The following PLCZ1 variants were observed in gnomAD, a reference collection of about 807,000 sequenced individuals.
PLCZ1 encodes the protein phospholipase C zeta 1, also known as 1-phosphatidylinositol 4,5-bisphosphate phosphodiesterase zeta-1.
A neutral mutation model predicts 76.8 loss-of-function variants in PLCZ1; 64 were observed. The observed-to-expected ratio is 0.83, with a 90% CI of 0.68 to 1.03. The LOEUF is 1.03. PLCZ1 is among the 50% of genes least tolerant of loss of function. PLCZ1 has a pLI of 0.00. For missense variants in PLCZ1, 751 were observed against 713.7 expected (o/e 1.05, Z -0.60); for synonymous variants, 248 against 230.8 (o/e 1.07, Z -0.68).
intron 3 of PLCZ1, among the ~76,000 whole-genome samples, chr12:18,726,582 T>A (rs768483282): frequency 2.2e-4 from 33 of 152,164 alleles, no homozygotes; most frequent in Non-Finnish European, 2.5e-4. Context: ...AATAATTCTA[T>A]TGATTGTCAT....
In PLCZ1 at chr12:18,688,152, T is replaced by A; in HGVS notation, c.1528A>T (p.Ile510Leu). 6.2e-7 allele frequency: 1 copy of A among 1,611,698 alleles called. No homozygotes were observed. The highest frequency in any genetic ancestry group is 1.7e-5 in the Admixed American group (1 of 59,930). The change falls in exon 13 of 15, where the codon ATA becomes TTA. Residue 510 changes from isoleucine to leucine, a missense_variant. Coordinates refer to ENST00000266505, the MANE Select transcript of PLCZ1 (RefSeq NM_033123.4). ...TCATTTGGAACACCAAAAACTTCTA[T>A]AATTACTAATGAATCACCTTTGTTA... ...SSNKGDSLVI[I>L]EVFGVPNDQM...
chr12:18,713,085 A>G lies in PLCZ1; in HGVS notation c.570-99T>C, dbSNP rs967503996. 2.1e-6 allele frequency: 3 copies of G among 1,442,958 alleles called. No homozygotes were observed. The African/African-American group carries it at 4.3e-5, about 21-fold the overall frequency. The allele number at this position is 1,442,958 out of a possible 1,614,324, so 89.4% of individuals were successfully genotyped here. ...CAAAGACCATTTGATTTTATAATAAATGCATAAATGAGTCCATAAAACTCT... is the reference window on the plus strand; with the variant it reads ...CAAAGACCATTTGATTTTATAATAAGTGCATAAATGAGTCCATAAAACTCT... On this transcript the variant is annotated intron_variant, in intron 5 of 14. Coordinates refer to ENST00000266505, the MANE Select transcript of PLCZ1 (RefSeq NM_033123.4).
rs1238154205 is a variant in PLCZ1, at chr12:18,737,409, A to T, written c.-38T>A. The T allele has an allele frequency of 2.5e-6, 4 of 1,613,464 alleles. No individual in the cohort carries two copies. Among genetic ancestry groups the T allele is most frequent in the Non-Finnish European group, 3.4e-6 (4 of 1,179,534 alleles). On this transcript the variant is annotated 5_prime_UTR_variant, in exon 2 of 15. Coordinates refer to ENST00000266505, the MANE Select transcript of PLCZ1 (RefSeq NM_033123.4). The stretch of plus-strand genomic sequence containing the variant: ...TGTAGAGCCGTTTCTCCTCACTTAG[A>T]AGTCTTTCCCCAGTAGGTGCTGTCA...
chr12:18,681,696 C>T (rs1476108414), downstream of PLCZ1, among the ~76,000 whole-genome samples: 1 of 151,950 alleles, frequency 6.6e-6, no homozygotes, highest in Non-Finnish European at 1.5e-5. Context: ...AGTCCGTATT[C>T]CTAATATAGA....
At chr12:18,676,009 T>TA in the PLCZ1 span, among the ~76,000 whole-genome samples, 4 of 122,430 alleles carry the variant, frequency 3.3e-5, no homozygotes, top group East Asian at 5.0e-4. Flanking sequence ...CTGAATCTAT[T>TA]TAAAAAAAAA....
intron 12 of PLCZ1, 60 bp from the exon 13 acceptor site, chr12:18,688,278 T>C: frequency 1.3e-6 from 2 of 1,525,994 alleles, no homozygotes; most frequent in African/African-American, 2.8e-5. Flanking sequence ...TCACCATTTA[T>C]TTCAAAATTA....
intron 5 of PLCZ1, chr12:18,715,651 G>C (rs536006169): frequency 2.0e-5 from 3 of 151,944 alleles, no homozygotes; most frequent in Non-Finnish European, 4.4e-5. Context: ...TTTTGTGTCT[G>C]TTTTTGTTTT....
At chr12:18,650,698 GTGTGTGTATATATCTATATATATATATA>G in the PLCZ1 span, among the ~76,000 whole-genome samples, 8 of 29,104 alleles carry the variant, frequency 2.7e-4, 1 homozygote, top group African/African-American at 9.2e-4. Flanking sequence ...GTGTGTGTGT[GTGTGTGTATATATCTATATATATATATA>G]TATATATATA....
intron 4 of PLCZ1, among the ~76,000 whole-genome samples, chr12:18,721,902 A>G (rs1046181267): frequency 6.6e-6 from 1 of 152,008 alleles, no homozygotes; most frequent in South Asian, 2.1e-4. Context: ...AAATCTTTGC[A>G]TGGCACTGAG....
the PLCZ1 span, among the ~76,000 whole-genome samples, chr12:18,652,251 T>C: frequency 6.6e-6 from 1 of 152,118 alleles, no homozygotes; most frequent in Non-Finnish European, 1.5e-5. Flanking sequence ...CAGTCCCATA[T>C]ACCAGTCACA....
chr12:18,685,642 G>C, intron 13 of PLCZ1: 1 of 516,964 alleles, frequency 1.9e-6, no homozygotes, highest in South Asian at 1.4e-5. Flanking sequence ...CTGGAATAAT[G>C]ACCATATTAC....
chr12:18,677,934 G>A, the PLCZ1 span, among the ~76,000 whole-genome samples: 1 of 152,198 alleles, frequency 6.6e-6, no homozygotes, highest in Admixed American at 6.6e-5. Context: ...TGTATGTGGT[G>A]TGTTTGTGTG....
At chr12:18,697,272 A>G (rs146367070) in intron 10 of PLCZ1, among the ~76,000 whole-genome samples, 29 of 152,272 alleles carry the variant, frequency 1.9e-4, no homozygotes, top group African/African-American at 6.7e-4. Flanking sequence ...AAGCATTGTC[A>G]AATTAAAAAT....
chr12:18,664,318 T>C, the PLCZ1 span, among the ~76,000 whole-genome samples: 60,197 of 152,052 alleles, frequency 0.4, 14,080 homozygotes, highest in South Asian at 0.59. Context: ...AATATATTTG[T>C]ACATCCATGT....
the PLCZ1 span, among the ~76,000 whole-genome samples, chr12:18,673,830 C>T: frequency 1.7e-3 from 261 of 152,264 alleles, 1 homozygote; most frequent in Admixed American, 4.1e-3. Context: ...CTCAGTTGCT[C>T]ACTGGCTGTT....
intron 5 of PLCZ1, 32 bp downstream of exon 5, chr12:18,719,399 A>G: frequency 1.6e-6 from 2 of 1,271,126 alleles, no homozygotes; most frequent in Non-Finnish European, 2.1e-6. Context: ...AAGTATTTTT[A>G]AATGTAATAG....
At chr12:18,734,422 CT>C (rs1282152249) in intron 3 of PLCZ1, among the ~76,000 whole-genome samples, 1 of 152,134 alleles carries the variant, frequency 6.6e-6, no homozygotes, top group Non-Finnish European at 1.5e-5. Flanking sequence ...GCAATCTCAG[CT>C]CACTGCAACC....
chr12:18,710,609 G>T (rs947849941), intron 6 of PLCZ1, among the ~76,000 whole-genome samples: 2 of 152,116 alleles, frequency 1.3e-5, no homozygotes, highest in African/African-American at 4.8e-5. Flanking sequence ...AATAAGAAAA[G>T]AAGCAAGAAT....
chr12:18,686,475 C>T (rs1953171628), intron 13 of PLCZ1, among the ~76,000 whole-genome samples: 1 of 152,016 alleles, frequency 6.6e-6, no homozygotes, highest in Non-Finnish European at 1.5e-5. Flanking sequence ...TTTTCTCTAG[C>T]ATGTTTAAAT....
Sources: allele counts gnomAD v4.1 joint callset (sites outside exome capture counted in the v4.1 genomes callset), GRCh38; gene constraint gnomAD v4.1.1; transcripts MANE v1.5; gene names NCBI Gene and HGNC (gene_info 2026-07-23, HGNC 2026-07-21).